GLMN: variants seen among roughly 807,000 people sequenced by gnomAD.
The protein encoded by GLMN is glomulin, FKBP associated protein.
A neutral mutation model predicts 87.8 loss-of-function variants in GLMN; 75 were observed. That is an observed-to-expected ratio of 0.85 (90% CI 0.71 to 1.04). The LOEUF (loss-of-function observed/expected upper bound fraction) is 1.04, where lower values mean the gene tolerates loss of function less well. Among genes scored for constraint, GLMN ranks in the 50% least tolerant of loss-of-function variants. GLMN has a pLI of 0.00. For missense variants in GLMN, 588 were observed against 658.8 expected (o/e 0.89, Z 1.18); for synonymous variants, 206 against 221.6 (o/e 0.93, Z 0.63).
At chr1:92,313,413 G>A in the GLMN span, among the ~76,000 whole-genome samples, 1 of 150,094 alleles carries the variant, frequency 6.7e-6, no homozygotes, top group East Asian at 2.0e-4. Context: ...TAGGTACATT[G>A]TTAATAATCA....
the GLMN span, among the ~76,000 whole-genome samples, chr1:92,366,057 C>T: frequency 1.6e-4 from 24 of 152,314 alleles, no homozygotes; most frequent in African/African-American, 5.5e-4. Context: ...TTTCCTGCCA[C>T]AAAGGGAACA....
chr1:92,247,056 G>T lies in GLMN; in HGVS notation c.1668+6C>A, dbSNP rs756096722. The T allele has an allele frequency of 1.4e-6, 2 of 1,434,408 alleles. No homozygotes were observed. The highest frequency in any genetic ancestry group is 9.8e-7 in the Non-Finnish European group (1 of 1,018,446). The allele number at this position is 1,434,408 out of a possible 1,614,324, so 88.9% of individuals were successfully genotyped here. On this transcript the variant is annotated splice_donor_region_variant and intron_variant, in intron 18 of 18. Transcript: ENST00000370360. ...AAAAAGGAAAGAAAAGAAAATTTCA[G>T]ATCACCTTAAGCTGCATTTCAGGAG...
chr1:92,322,878 T>C, the GLMN span, among the ~76,000 whole-genome samples: 1 of 148,052 alleles, frequency 6.8e-6, no homozygotes, highest in African/African-American at 2.5e-5. Context: ...GTCTTAAAAA[T>C]ATATATTTAT....
At position 92,267,995 on chromosome 1, in the gene GLMN, A is replaced by G; in HGVS notation, c.1016T>C (p.Leu339Pro). ...ESVISKGLEL[L>P]ENSLLRIEDN... is the part of the protein sequence containing the mutation. ...TTCTATTCTCAATAAACTATTCTCCAGCAGCTCCTACAGATTAAAATATAT... is the reference window on the plus strand; with the variant it reads ...TTCTATTCTCAATAAACTATTCTCCGGCAGCTCCTACAGATTAAAATATAT... The change falls in exon 11 of 19, where the codon CTG becomes CCG. Residue 339 changes from leucine to proline, a missense_variant. By Grantham distance (98) the Leu-to-Pro change is moderately conservative. Coordinates refer to ENST00000370360, the MANE Select transcript of GLMN (RefSeq NM_053274.3). 6.4e-7 allele frequency: 1 copy of G among 1,555,986 alleles called. No individual in the cohort carries two copies. Among genetic ancestry groups the G allele is most frequent in the East Asian group, 2.2e-5 (1 of 44,490 alleles).
rs1159132450 is a variant in GLMN, at chr1:92,258,277, A to G, written c.1473+4586T>C. Among the ~76,000 whole-genome samples the G allele has an allele frequency of 3.3e-5, 5 of 152,210 alleles. No homozygotes were observed. In the East Asian group the frequency reaches 9.6e-4, roughly 29 times the overall value. Reference sequence around the variant, plus strand: ...AACAGATGCTGGAGAGGATGTGGAGAAATAGGAACGCTTTTACACTGTTGG... The same window carrying G: ...AACAGATGCTGGAGAGGATGTGGAGGAATAGGAACGCTTTTACACTGTTGG... On this transcript the variant is annotated intron_variant, in intron 16 of 18. Coordinates refer to ENST00000370360, the MANE Select transcript of GLMN (RefSeq NM_053274.3).
intron 18 of GLMN, 152 bp from the exon 19 acceptor site, chr1:92,246,798 A>C: frequency 1.4e-6 from 1 of 699,100 alleles, no homozygotes; most frequent in East Asian, 2.7e-5. Flanking sequence ...TGGGAGGCTG[A>C]GCTGAGAGGA....
At chr1:92,268,905 C>T (rs1436062834) in intron 9 of GLMN, among the ~76,000 whole-genome samples, 1 of 136,790 alleles carries the variant, frequency 7.3e-6, no homozygotes, top group Non-Finnish European at 1.5e-5. Context: ...ACCTGTTACT[C>T]TGTAATTTCC....
the GLMN span, among the ~76,000 whole-genome samples, chr1:92,307,996 C>G: frequency 6.6e-6 from 1 of 151,766 alleles, no homozygotes; most frequent in Non-Finnish European, 1.5e-5. Context: ...GGCAGTGTTA[C>G]TTGTGGTAAG....
At chr1:92,302,590 A>ACTTTTTTT (rs1650931341), upstream of GLMN, among the ~76,000 whole-genome samples, 1 of 74,316 alleles carries the variant, frequency 1.3e-5, no homozygotes, top group Non-Finnish European at 2.3e-5. Context: ...TCCGCATTAA[A>ACTTTTTTT]TTTTTTTTTT....
chr1:92,278,441 A>G (rs941456314), intron 7 of GLMN, among the ~76,000 whole-genome samples: 5 of 152,156 alleles, frequency 3.3e-5, no homozygotes, highest in Non-Finnish European at 7.3e-5. Context: ...ATTCCTAATT[A>G]TATCAGTCAC....
chr1:92,311,627 T>C, the GLMN span, among the ~76,000 whole-genome samples: 35 of 152,324 alleles, frequency 2.3e-4, 1 homozygote, highest in Admixed American at 2.0e-3. Flanking sequence ...AATATTGAAT[T>C]TGACCTAATT....
At chr1:92,347,968 G>A in the GLMN span, among the ~76,000 whole-genome samples, 1 of 151,930 alleles carries the variant, frequency 6.6e-6, no homozygotes, top group Non-Finnish European at 1.5e-5. Context: ...GGAGTGCAAT[G>A]GCACAATCTC....
At chr1:92,306,680 CA>C in the GLMN span, among the ~76,000 whole-genome samples, 1 of 151,778 alleles carries the variant, frequency 6.6e-6, no homozygotes, top group Non-Finnish European at 1.5e-5. Context: ...CCCATCTCTA[CA>C]AAAAAATAAA....
At chr1:92,364,497 A>AT in the GLMN span, among the ~76,000 whole-genome samples, 26 of 151,546 alleles carry the variant, frequency 1.7e-4, no homozygotes, top group Middle Eastern at 3.4e-3. Flanking sequence ...CGTAGACCAA[A>AT]TTTTTTTTTA....
chr1:92,270,337 G>A (rs1276405142), intron 8 of GLMN, among the ~76,000 whole-genome samples: 1 of 152,194 alleles, frequency 6.6e-6, no homozygotes, highest in Non-Finnish European at 1.5e-5. Context: ...GGGTCAGACA[G>A]AGCTATCTGC....
intron 7 of GLMN, among the ~76,000 whole-genome samples, chr1:92,280,432 G>C (rs1201171505): frequency 6.6e-6 from 1 of 151,076 alleles, no homozygotes; most frequent in Non-Finnish European, 1.5e-5. Flanking sequence ...TCAACAGAAA[G>C]GACATCTACA....
intron 17 of GLMN, among the ~76,000 whole-genome samples, chr1:92,247,409 TA>T (rs1402448205): frequency 6.6e-6 from 1 of 152,200 alleles, no homozygotes; most frequent in African/African-American, 2.4e-5. Flanking sequence ...CTTCAGTATA[TA>T]ATCAGAATTA....
In GLMN at chr1:92,249,701, A is replaced by G. The variant is rs185770908; in HGVS notation, c.1474-1712T>C. Among the ~76,000 whole-genome samples, 62 of 152,212 alleles carry G rather than the reference A, an allele frequency of 4.1e-4. 1 individual carries two copies. In the East Asian group the frequency reaches 9.6e-3, roughly 24 times the overall value. On this transcript the variant is annotated intron_variant, in intron 16 of 18. Transcript: ENST00000370360. ...ATTGTTGCTAATTATAGTCACTGTA[A>G]TGTGCTATCAAGCAATACAGCTTGT...
the GLMN span, among the ~76,000 whole-genome samples, chr1:92,349,932 A>G: frequency 6.6e-6 from 1 of 152,198 alleles, no homozygotes; most frequent in Admixed American, 6.5e-5. Context: ...ATCTCAAATA[A>G]TAATAATAAT....
Sources: allele counts gnomAD v4.1 joint callset (sites outside exome capture counted in the v4.1 genomes callset), GRCh38; gene constraint gnomAD v4.1.1; transcripts MANE v1.5; gene names NCBI Gene and HGNC (gene_info 2026-07-23, HGNC 2026-07-21).